ZFHX3: variants seen among roughly 807,000 people sequenced by gnomAD.
ZFHX3 encodes zinc finger homeobox 3.
Under a neutral mutation model 279.1 loss-of-function variants are expected in ZFHX3, and 42 were observed. The ratio of observed to expected loss-of-function variants is 0.15; its 90% CI spans 0.12 to 0.19. The LOEUF (loss-of-function observed/expected upper bound fraction) is 0.19, where lower values mean the gene tolerates loss of function less well. Among genes scored for constraint, ZFHX3 ranks in the 10% least tolerant of loss-of-function variants. The pLI is 1.00. For synonymous variants in ZFHX3, 2,293 were observed against 1,957.8 expected (o/e 1.17, Z -4.52); for missense variants, 4,981 against 4,754.0 (o/e 1.05, Z -1.40).
chr16:73,334,100 A>C (rs910055605), intron 3 of ZFHX3, among the ~76,000 whole-genome samples: 2 of 152,178 alleles, frequency 1.3e-5, no homozygotes, highest in South Asian at 2.1e-4. Context: ...AAGAGGAAGG[A>C]GAAAGGGGAC....
At chr16:73,646,469 CAAT>C (rs1326262430) in intron 2 of ZFHX3, among the ~76,000 whole-genome samples, 2 of 151,386 alleles carry the variant, frequency 1.3e-5, no homozygotes, top group Admixed American at 6.6e-5. Context: ...GAAGAGAAAA[CAAT>C]AATGATAACT....
At chr16:72,854,357 G>A (rs1178660616) in intron 4 of ZFHX3, among the ~76,000 whole-genome samples, 4 of 152,178 alleles carry the variant, frequency 2.6e-5, no homozygotes, top group Admixed American at 2.0e-4. Context: ...GCGGTTGTGT[G>A]CGAGTCTCTC....
At chr16:73,286,698 AGTGTGTGG>A (rs1324883417) in intron 4 of ZFHX3, among the ~76,000 whole-genome samples, 16 of 103,788 alleles carry the variant, frequency 1.5e-4, no homozygotes, top group Admixed American at 1.0e-3. Flanking sequence ...TGTGAGTGTG[AGTGTGTGG>A]GTGTGTGGGT....
chr16:73,351,790 G>T (rs897754392), intron 3 of ZFHX3, among the ~76,000 whole-genome samples: 1 of 152,190 alleles, frequency 6.6e-6, no homozygotes, highest in Non-Finnish European at 1.5e-5. Context: ...TTCCAGGGGG[G>T]CAGGTCCATG....
chr16:73,325,143 G>A (rs2143208332), intron 3 of ZFHX3, among the ~76,000 whole-genome samples: 1 of 152,330 alleles, frequency 6.6e-6, no homozygotes, highest in East Asian at 1.9e-4. Context: ...CCCTGGAGTA[G>A]TCCAGGCAAG....
chr16:73,670,812 T>C (rs1030824914), intron 2 of ZFHX3, among the ~76,000 whole-genome samples: 2 of 152,174 alleles, frequency 1.3e-5, no homozygotes, highest in African/African-American at 4.8e-5. Context: ...ATTTTATAAA[T>C]GAAATATTCA....
At chr16:73,399,693 G>A (rs1384947408) in intron 3 of ZFHX3, among the ~76,000 whole-genome samples, 1 of 152,098 alleles carries the variant, frequency 6.6e-6, no homozygotes, top group African/African-American at 2.4e-5. Flanking sequence ...GTGCTGTTTT[G>A]TCTCCATGCT....
chr16:73,854,639 C>T (rs758345635), intron 1 of ZFHX3, among the ~76,000 whole-genome samples: 2 of 141,666 alleles, frequency 1.4e-5, no homozygotes, highest in Non-Finnish European at 3.0e-5. Flanking sequence ...TTGATATTTT[C>T]TCTGGTTAAA....
chr16:73,752,574 G>A (rs1312674495), intron 1 of ZFHX3, among the ~76,000 whole-genome samples: 1 of 152,062 alleles, frequency 6.6e-6, no homozygotes, highest in Non-Finnish European at 1.5e-5. Context: ...TCTTTTGGCA[G>A]CTATCAATCC....
intron 2 of ZFHX3, among the ~76,000 whole-genome samples, chr16:73,632,374 C>T (rs2052482324): frequency 6.6e-6 from 1 of 152,092 alleles, no homozygotes; most frequent in Non-Finnish European, 1.5e-5. Context: ...CAAAACTCTA[C>T]AAAAGAAGTT....
At chr16:73,338,155 G>A (rs1199434264) in intron 3 of ZFHX3, among the ~76,000 whole-genome samples, 2 of 152,106 alleles carry the variant, frequency 1.3e-5, no homozygotes, top group African/African-American at 4.8e-5. Flanking sequence ...GCACAGCCAG[G>A]CTGCCTGACC....
chr16:73,495,124 G>A (rs1180343914), intron 2 of ZFHX3, among the ~76,000 whole-genome samples: 1 of 152,088 alleles, frequency 6.6e-6, no homozygotes, highest in African/African-American at 2.4e-5. Flanking sequence ...TAATTGTGAT[G>A]GATTGATACT....
chr16:73,431,467 G>C (rs2017910090), intron 3 of ZFHX3, among the ~76,000 whole-genome samples: 1 of 152,156 alleles, frequency 6.6e-6, no homozygotes, highest in African/African-American at 2.4e-5. Context: ...CTTGAACCCA[G>C]GAGGTGTACG....
intron 4 of ZFHX3, among the ~76,000 whole-genome samples, chr16:72,851,500 T>A (rs1346067603): frequency 1.3e-5 from 2 of 152,044 alleles, no homozygotes; most frequent in Non-Finnish European, 2.9e-5. Context: ...GGTGTCTAAA[T>A]TCCTCTCTGG....
At chr16:72,863,898 T>C (rs777154394) in intron 4 of ZFHX3, among the ~76,000 whole-genome samples, 1 of 152,114 alleles carries the variant, frequency 6.6e-6, no homozygotes, top group African/African-American at 2.4e-5. Flanking sequence ...GGGTGGATCA[T>C]GAGGTCACGA....
At chr16:72,907,545 TTGTG>T (rs547618913) in intron 3 of ZFHX3, among the ~76,000 whole-genome samples, 14,423 of 119,894 alleles carry the variant, frequency 0.12, 923 homozygotes, top group Non-Finnish European at 0.13. Context: ...TTTCCTCTAT[TTGTG>T]TGTGTGTGTG....
intron 1 of ZFHX3, among the ~76,000 whole-genome samples, chr16:73,891,276 A>G (rs2142425443): frequency 6.6e-6 from 1 of 152,158 alleles, no homozygotes; most frequent in South Asian, 2.1e-4. Flanking sequence ...GCTGGTGATC[A>G]CAAGAAACAA....
In ZFHX3 at chr16:72,786,299, A is replaced by G. The variant is rs2035364968; in HGVS notation, c.*865T>C. 1 of 152,416 alleles carries G rather than the reference A, an allele frequency of 6.6e-6. No homozygotes were observed. Among genetic ancestry groups the G allele is most frequent in the African/African-American group, 2.4e-5 (1 of 41,390 alleles). The allele number at this position is 152,416 out of a possible 1,614,324, so 9.4% of individuals were successfully genotyped here. ...ACTGCTTCAGTTCATTTCCAATGCA[A>G]CAATCTACTCAACACCAAAAATGGT... On this transcript the variant is annotated 3_prime_UTR_variant, in exon 10 of 10. Coordinates refer to ENST00000268489, the MANE Select transcript of ZFHX3 (RefSeq NM_006885.4).
intron 2 of ZFHX3, among the ~76,000 whole-genome samples, chr16:73,592,834 CGAA>C (rs2052013451): frequency 6.6e-6 from 1 of 150,488 alleles, no homozygotes; most frequent in Non-Finnish European, 1.5e-5. Flanking sequence ...CAACAAAACT[CGAA>C]TCTCTAACTT....
Sources: allele counts gnomAD v4.1 joint callset (sites outside exome capture counted in the v4.1 genomes callset), GRCh38; gene constraint gnomAD v4.1.1; transcripts MANE v1.5; gene names NCBI Gene and HGNC (gene_info 2026-07-23, HGNC 2026-07-21).